Variants in WWP1 observed in about 807,000 individuals in gnomAD.
WWP1 encodes NEDD4-like E3 ubiquitin-protein ligase WWP1.
A neutral mutation model predicts 130.6 loss-of-function variants in WWP1; 49 were observed. The ratio of observed to expected loss-of-function variants is 0.38; its 90% CI spans 0.30 to 0.48. The LOEUF (loss-of-function observed/expected upper bound fraction) is 0.48. Among genes scored for constraint, WWP1 ranks in the 20% least tolerant of loss-of-function variants. The probability of loss-of-function intolerance (pLI) is 0.99; values close to 1 mark genes in which losing one functional copy is unlikely to be tolerated. For missense variants in WWP1, 809 were observed against 1,100.6 expected, an observed-to-expected ratio of 0.74 and a Z score of 3.75; for synonymous variants, 332 against 367.8, an observed-to-expected ratio of 0.90 and a Z score of 1.11.
chr8:86,408,345 A>G (rs1169976162), intron 8 of WWP1, among the ~76,000 whole-genome samples: 1 of 152,190 alleles, frequency 6.6e-6, no homozygotes, highest in Non-Finnish European at 1.5e-5. Context: ...ACGTGAATAT[A>G]AGTCTTCAAT....
chr8:86,455,681 A>T (rs549565099), intron 21 of WWP1, among the ~76,000 whole-genome samples: 1 of 151,954 alleles, frequency 6.6e-6, no homozygotes, highest in Non-Finnish European at 1.5e-5. Flanking sequence ...GAGATATACG[A>T]TGTTATATTG....
At chr8:86,430,370 T>C (rs1482027536) in intron 11 of WWP1, among the ~76,000 whole-genome samples, 1 of 151,888 alleles carries the variant, frequency 6.6e-6, no homozygotes, top group Non-Finnish European at 1.5e-5. Context: ...AGCCTCCACC[T>C]CCTGGGCTCA....
chr8:86,442,554 T>C (rs1810646573), intron 17 of WWP1, 65 bp from the exon 18 acceptor site: 3 of 1,418,884 alleles, frequency 2.1e-6, no homozygotes, highest in Non-Finnish European at 2.8e-6. Flanking sequence ...TATGAATATA[T>C]TTAAGATCTG....
chr8:86,391,846 T>C (rs1212236728), intron 5 of WWP1, among the ~76,000 whole-genome samples: 4 of 152,142 alleles, frequency 2.6e-5, no homozygotes, highest in African/African-American at 9.7e-5. Flanking sequence ...ACAAAAGCCC[T>C]ATCCTTCCCA....
At chr8:86,420,041 G>T (rs1809111677) in intron 9 of WWP1, among the ~76,000 whole-genome samples, 1 of 152,188 alleles carries the variant, frequency 6.6e-6, no homozygotes, top group African/African-American at 2.4e-5. Context: ...GTTTCCAAAA[G>T]TTCACTTCTT....
At chr8:86,424,939 A>G (rs1248102746) in intron 9 of WWP1, among the ~76,000 whole-genome samples, 1 of 151,674 alleles carries the variant, frequency 6.6e-6, no homozygotes, top group East Asian at 2.0e-4. Flanking sequence ...TCTGTAAGTA[A>G]CTTTTTAAAA....
At chr8:86,347,622 G>C (rs1254172346) in intron 1 of WWP1, among the ~76,000 whole-genome samples, 1 of 152,178 alleles carries the variant, frequency 6.6e-6, no homozygotes, top group South Asian at 2.1e-4. Context: ...AAATTTGTAA[G>C]CATTGTACCA....
At chr8:86,461,614 C>T (rs1214788692) in intron 23 of WWP1, 160 bp from the exon 24 acceptor site, 2 of 661,904 alleles carry the variant, frequency 3.0e-6, no homozygotes, top group Non-Finnish European at 5.3e-6. Flanking sequence ...TGCTGGATCT[C>T]TGCAACAATT....
intron 5 of WWP1, among the ~76,000 whole-genome samples, chr8:86,395,366 A>T (rs6471317): frequency 0.15 from 22,358 of 151,882 alleles, 1,795 homozygotes; most frequent in Non-Finnish European, 0.19. Context: ...TTCAAATAAA[A>T]CTTTATTTAT....
At chr8:86,451,733 C>A (rs1009920388) in intron 20 of WWP1, among the ~76,000 whole-genome samples, 1 of 152,116 alleles carries the variant, frequency 6.6e-6, no homozygotes. Flanking sequence ...TTCTCTTCAT[C>A]GTCTAGAATC....
At chr8:86,452,466 A>T (rs1376931586) in intron 20 of WWP1, 93 bp from the exon 21 acceptor site, 1 of 1,121,494 alleles carries the variant, frequency 8.9e-7, no homozygotes, top group African/African-American at 1.6e-5. Flanking sequence ...GCATATTTAG[A>T]AAAAGAGAAA....
chr8:86,358,110 T>C (rs1461799934), intron 1 of WWP1, among the ~76,000 whole-genome samples: 2 of 152,210 alleles, frequency 1.3e-5, no homozygotes, highest in African/African-American at 4.8e-5. Flanking sequence ...GCTTCTCTCT[T>C]ATATTCTTTT....
At chr8:86,432,720 G>T (rs1810056493) in intron 14 of WWP1, among the ~76,000 whole-genome samples, 1 of 151,954 alleles carries the variant, frequency 6.6e-6, no homozygotes, top group East Asian at 1.9e-4. Flanking sequence ...CGATTCTCCT[G>T]CCTCAGCCCC....
chr8:86,354,770 G>A (rs1217659801), intron 1 of WWP1, among the ~76,000 whole-genome samples: 3 of 151,990 alleles, frequency 2.0e-5, no homozygotes, highest in Non-Finnish European at 4.4e-5. Context: ...TATTGTTGTG[G>A]AAGTATGGAA....
chr8:86,408,875 A>G (rs1808422294), intron 8 of WWP1, among the ~76,000 whole-genome samples: 1 of 151,798 alleles, frequency 6.6e-6, no homozygotes, highest in Non-Finnish European at 1.5e-5. Context: ...GCGCTACTGC[A>G]CTCCAACCTG....
At chr8:86,413,763 A>T (rs190871557) in intron 9 of WWP1, among the ~76,000 whole-genome samples, 1 of 152,352 alleles carries the variant, frequency 6.6e-6, no homozygotes, top group East Asian at 1.9e-4. Flanking sequence ...AGCCCTGTGA[A>T]GAATTTTGTG....
intron 5 of WWP1, among the ~76,000 whole-genome samples, chr8:86,390,838 C>T (rs1189513362): frequency 6.6e-6 from 1 of 152,060 alleles, no homozygotes; most frequent in Non-Finnish European, 1.5e-5. Flanking sequence ...ATAGATTTTG[C>T]AGTTATTGAG....
chr8:86,343,099 G>T (rs951201684), intron 1 of WWP1, 169 bp downstream of exon 1: 4 of 267,952 alleles, frequency 1.5e-5, no homozygotes, highest in African/African-American at 2.3e-5. Context: ...ACCTTCTCCA[G>T]CCCGGGAGTC....
chr8:86,431,505 C>T lies in WWP1; in HGVS notation c.1472+15C>T. On this transcript the variant is annotated intron_variant, in intron 13 of 24. Coordinates refer to ENST00000517970, the MANE Select transcript of WWP1 (RefSeq NM_007013.4). Reference sequence around the variant, plus strand: ...AGAACTCAAGGGTATGTATATACAGCAGCCTTAAGTCGTCTTGCATATATC... The same window carrying T: ...AGAACTCAAGGGTATGTATATACAGTAGCCTTAAGTCGTCTTGCATATATC... 1 of 1,611,860 alleles carries T rather than the reference C, an allele frequency of 6.2e-7. No individual in the cohort carries two copies. Among genetic ancestry groups the T allele is most frequent in the Non-Finnish European group, 8.5e-7 (1 of 1,178,814 alleles).
Sources: gnomAD v4.1 joint callset for allele counts (sites outside exome capture counted in the v4.1 genomes callset) on GRCh38, gnomAD v4.1.1 for gene constraint, MANE v1.5 for transcripts, NCBI Gene and HGNC (gene_info 2026-07-23, HGNC 2026-07-21) for gene names.